DZANK1: variants seen among roughly 807,000 people sequenced by gnomAD.
DZANK1 encodes the protein double zinc ribbon and ankyrin repeat-containing protein 1.
DZANK1 carries 91 observed loss-of-function variants against 94.5 expected under a neutral mutation model. The observed-to-expected ratio is 0.96, with a 90% CI of 0.81 to 1.15. The LOEUF (loss-of-function observed/expected upper bound fraction) is 1.15. Among genes scored for constraint, DZANK1 ranks in the 50% most tolerant of loss-of-function variants. The pLI is 0.00. For missense variants in DZANK1, 903 were observed against 916.4 expected (o/e 0.99, Z 0.19); for synonymous variants, 312 against 325.3 (o/e 0.96, Z 0.44).
In DZANK1 at chr20:18,414,345, C is replaced by T. The variant is rs1469258687; in HGVS notation, c.1242+3G>A. ...CCAGTTCTTACTACAGGGGAGGCCT[C>T]ACCTCAGAAAAAGGGCGAGGTTCCT... is the stretch of plus-strand genomic sequence containing the variant. On this transcript the variant is annotated splice_donor_region_variant and intron_variant, in intron 12 of 20. Transcript: ENST00000262547. 1 of 1,613,666 alleles carries T rather than the reference C, an allele frequency of 6.2e-7. No individual in the cohort carries two copies. Among genetic ancestry groups the T allele is most frequent in the South Asian group, 1.1e-5 (1 of 91,070 alleles).
At chr20:18,433,652 C>G in exon 9 of DZANK1, 2 of 1,613,274 alleles carry the variant, frequency 1.2e-6, no homozygotes, top group Non-Finnish European at 1.7e-6. Context: ...ATTTCATTAC[C>G]TTCAAGTGGA....
intron 7 of DZANK1, among the ~76,000 whole-genome samples, chr20:18,448,755 T>C (rs2058978831): frequency 6.6e-6 from 1 of 151,302 alleles, no homozygotes; most frequent in Admixed American, 6.6e-5. Flanking sequence ...TAATCTCAGC[T>C]ACTCGGGAGG....
intron 10 of DZANK1, among the ~76,000 whole-genome samples, chr20:18,425,550 CAAAA>C (rs1375707023): frequency 9.5e-6 from 1 of 105,274 alleles, no homozygotes; most frequent in Admixed American, 9.9e-5. Flanking sequence ...GACTCCATCT[CAAAA>C]AAAAAAAAAA....
At chr20:18,431,504 A>C (rs987054436) in intron 9 of DZANK1, among the ~76,000 whole-genome samples, 1 of 152,246 alleles carries the variant, frequency 6.6e-6, no homozygotes, top group African/African-American at 2.4e-5. Flanking sequence ...TGTCTGGGTG[A>C]GAATGTTATC....
chr20:18,394,409 AGAAG>A (rs1036874006), intron 15 of DZANK1, 59 bp from the exon 16 acceptor site: 2 of 1,516,988 alleles, frequency 1.3e-6, no homozygotes, highest in Non-Finnish European at 1.8e-6. Context: ...CCCACTAGAA[AGAAG>A]GATCTCCCTT....
intron 10 of DZANK1, among the ~76,000 whole-genome samples, chr20:18,426,303 A>G (rs6045398): frequency 4.6e-5 from 7 of 152,260 alleles, no homozygotes; most frequent in African/African-American, 1.7e-4. Flanking sequence ...CCATCCCCCA[A>G]CCAGGTCCGT....
chr20:18,388,388 G>A (rs2048641942), intron 19 of DZANK1, among the ~76,000 whole-genome samples: 1 of 152,224 alleles, frequency 6.6e-6, no homozygotes, highest in Non-Finnish European at 1.5e-5. Flanking sequence ...CTGAGGCACA[G>A]CAAAATAAAA....
intron 10 of DZANK1, among the ~76,000 whole-genome samples, chr20:18,422,734 A>G (rs556757040): frequency 1.3e-5 from 2 of 151,582 alleles, no homozygotes; most frequent in East Asian, 3.9e-4. Flanking sequence ...ACTATTTCAG[A>G]TAAGTGATAC....
At chr20:18,396,574 A>C in intron 14 of DZANK1, 28 bp from the exon 15 acceptor site, 9 of 1,581,890 alleles carry the variant, frequency 5.7e-6, no homozygotes, top group Non-Finnish European at 7.8e-6. Flanking sequence ...GAGAGAATTC[A>C]TAACTGTGGG....
chr20:18,384,351 G>C (rs749502351), exon 21 of DZANK1: 1 of 1,547,218 alleles, frequency 6.5e-7, no homozygotes, highest in Non-Finnish European at 8.7e-7. Flanking sequence ...AAGCCACTGT[G>C]CCAGCCATGC....
At chr20:18,406,720 G>C (rs146778341) in intron 13 of DZANK1, among the ~76,000 whole-genome samples, 2,559 of 152,344 alleles carry the variant, frequency 0.017, 33 homozygotes, top group African/African-American at 0.02. Flanking sequence ...TGAACACAGT[G>C]GGGGAGAGCA....
chr20:18,405,596 T>C (rs2056921192), intron 13 of DZANK1, among the ~76,000 whole-genome samples: 1 of 152,168 alleles, frequency 6.6e-6, no homozygotes, highest in South Asian at 2.1e-4. Flanking sequence ...CATGAATTTA[T>C]ACATCCAAGA....
chr20:18,408,421 C>A (rs568195579), intron 13 of DZANK1, among the ~76,000 whole-genome samples: 2 of 152,170 alleles, frequency 1.3e-5, no homozygotes, highest in African/African-American at 4.8e-5. Flanking sequence ...TATAGAACAC[C>A]AAGCAGATTT....
chr20:18,465,405 A>AGTGTGC (rs1336330168), intron 1 of DZANK1, 28 bp from the exon 2 acceptor site: 4 of 780,786 alleles, frequency 5.1e-6, no homozygotes, highest in African/African-American at 6.1e-5. Flanking sequence ...TATAAATTCC[A>AGTGTGC]ATGTACACAA....
At chr20:18,392,444 C>T (rs538796231) in intron 17 of DZANK1, among the ~76,000 whole-genome samples, 3 of 152,304 alleles carry the variant, frequency 2.0e-5, no homozygotes, top group Admixed American at 6.5e-5. Flanking sequence ...ACTGACAAGG[C>T]GGCGTTGAGG....
chr20:18,430,304 GT>G (rs1243070492), intron 9 of DZANK1, among the ~76,000 whole-genome samples: 3 of 152,278 alleles, frequency 2.0e-5, no homozygotes, highest in Middle Eastern at 3.4e-3. Context: ...GAAGGCACCT[GT>G]GACTCAGGCA....
chr20:18,443,441 C>CGGG, exon 8 of DZANK1: 1 of 1,495,294 alleles, frequency 6.7e-7, no homozygotes, highest in Non-Finnish European at 8.9e-7. Context: ...ATCTGATGGC[C>CGGG]GGGGGGCAAG....
chr20:18,444,743 A>T (rs1274678189), intron 7 of DZANK1, among the ~76,000 whole-genome samples: 1 of 146,078 alleles, frequency 6.8e-6, no homozygotes, highest in Non-Finnish European at 1.5e-5. Context: ...GGTTTTTTTT[A>T]AAAAGCTAGG....
chr20:18,448,261 C>T (rs1217018885), intron 7 of DZANK1, among the ~76,000 whole-genome samples: 2 of 152,176 alleles, frequency 1.3e-5, no homozygotes, highest in Non-Finnish European at 1.5e-5. Flanking sequence ...AAAATAGTTA[C>T]GCTGAGTGAA....
Sources: allele counts gnomAD v4.1 joint callset (sites outside exome capture counted in the v4.1 genomes callset), GRCh38; gene constraint gnomAD v4.1.1; transcripts MANE v1.5; gene names NCBI Gene and HGNC (gene_info 2026-07-23, HGNC 2026-07-21).